ZNF804A: variants seen among roughly 807,000 people sequenced by gnomAD.
ZNF804A encodes the protein zinc finger protein 804A.
In ZNF804A, 2 loss-of-function variants were observed where a neutral mutation model predicts 16.5. That is an observed-to-expected ratio of 0.12 (90% CI 0.05 to 0.38). The LOEUF is 0.38. ZNF804A is among the 10% of genes least tolerant of loss of function. The pLI, the probability that ZNF804A is intolerant of heterozygous loss-of-function variation, is 0.99. For missense variants in ZNF804A, 1,473 were observed against 1,390.7 expected, an observed-to-expected ratio of 1.06 and a Z score of -0.94; for synonymous variants, 534 against 489.6, an observed-to-expected ratio of 1.09 and a Z score of -1.20.
chr2:184,828,438 C>T (rs1287588003), intron 1 of ZNF804A, among the ~76,000 whole-genome samples: 1 of 151,628 alleles, frequency 6.6e-6, no homozygotes, highest in Non-Finnish European at 1.5e-5. Context: ...ATGCTTTACT[C>T]TTTTAATTTT....
chr2:184,849,288 G>A (rs1341422359), intron 1 of ZNF804A, among the ~76,000 whole-genome samples: 1 of 152,002 alleles, frequency 6.6e-6, no homozygotes. Context: ...AGTAGCCCCT[G>A]GACAGGAAGT....
chr2:184,762,032 GA>G (rs1172944185), intron 1 of ZNF804A, among the ~76,000 whole-genome samples: 1 of 152,004 alleles, frequency 6.6e-6, no homozygotes, highest in African/African-American at 2.4e-5. Context: ...GTATAGCTTA[GA>G]TGCTGAAAGG....
chr2:184,602,146 AAAC>A (rs1011989752), intron 1 of ZNF804A, among the ~76,000 whole-genome samples: 8 of 151,934 alleles, frequency 5.3e-5, no homozygotes, highest in African/African-American at 1.9e-4. Flanking sequence ...TTGGAAAATA[AAAC>A]AACAACATTC....
chr2:184,738,859 T>C (rs907096331), intron 1 of ZNF804A, among the ~76,000 whole-genome samples: 3 of 152,244 alleles, frequency 2.0e-5, no homozygotes, highest in African/African-American at 7.2e-5. Flanking sequence ...TTTATGTATG[T>C]TTTGCAGATA....
chr2:184,735,609 T>G (rs1016030550), intron 1 of ZNF804A, among the ~76,000 whole-genome samples: 1 of 152,208 alleles, frequency 6.6e-6, no homozygotes, highest in Non-Finnish European at 1.5e-5. Context: ...TAAATAAATC[T>G]TATGACTTAC....
intron 1 of ZNF804A, among the ~76,000 whole-genome samples, chr2:184,618,166 G>T (rs187479818): frequency 6.6e-6 from 1 of 151,942 alleles, no homozygotes; most frequent in African/African-American, 2.4e-5. Flanking sequence ...TAGGAAACAC[G>T]TTTATAAATC....
chr2:184,769,417 T>G lies in ZNF804A; in HGVS notation c.112-96952T>G, dbSNP rs567191218. ...AGCCTAGTATTGAATCTTTTTTCAA[T>G]TTTATATTTCTGGAACCAAAATTAA... On this transcript the variant is annotated intron_variant, in intron 1 of 3. Coordinates refer to ENST00000302277, the MANE Select transcript of ZNF804A (RefSeq NM_194250.2). 7.2e-5 allele frequency among the ~76,000 whole-genome samples: 11 copies of G among 152,246 alleles called. 1 individual carries two copies. The South Asian group carries it at 2.3e-3, about 32-fold the overall frequency.
chr2:184,702,574 A>G (rs767062553), intron 1 of ZNF804A, among the ~76,000 whole-genome samples: 2 of 152,220 alleles, frequency 1.3e-5, no homozygotes, highest in Non-Finnish European at 2.9e-5. Flanking sequence ...AGAGTTCACT[A>G]AGCAAAATTT....
chr2:184,856,500 C>T (rs1432513528), intron 1 of ZNF804A, among the ~76,000 whole-genome samples: 2 of 152,020 alleles, frequency 1.3e-5, no homozygotes, highest in Non-Finnish European at 2.9e-5. Context: ...TTACCCTGAA[C>T]ACATTATTTT....
intron 1 of ZNF804A, among the ~76,000 whole-genome samples, chr2:184,689,298 G>A (rs1161936728): frequency 6.6e-6 from 1 of 152,042 alleles, no homozygotes; most frequent in Non-Finnish European, 1.5e-5. Flanking sequence ...TAGATTATTT[G>A]CCTTCAAGTA....
intron 1 of ZNF804A, among the ~76,000 whole-genome samples, chr2:184,865,505 G>A (rs1695866557): frequency 6.6e-6 from 1 of 151,330 alleles, no homozygotes; most frequent in Non-Finnish European, 1.5e-5. Flanking sequence ...TCAAGGAGGT[G>A]CTAGGCTCTT....
chr2:184,644,234 CAT>C (rs10542640), intron 1 of ZNF804A, among the ~76,000 whole-genome samples: 84,461 of 150,014 alleles, frequency 0.56, 24,693 homozygotes, highest in African/African-American at 0.69. Flanking sequence ...AGCTATATAT[CAT>C]ATATATATAT....
intron 1 of ZNF804A, among the ~76,000 whole-genome samples, chr2:184,646,728 C>G (rs1167451478): frequency 6.6e-6 from 1 of 152,258 alleles, no homozygotes; most frequent in Non-Finnish European, 1.5e-5. Flanking sequence ...TAGACTACCC[C>G]CCATCCCCAT....
chr2:184,680,044 A>G (rs530331485), intron 1 of ZNF804A, among the ~76,000 whole-genome samples: 133 of 152,336 alleles, frequency 8.7e-4, no homozygotes, highest in East Asian at 2.9e-3. Context: ...TCTGAAGCCC[A>G]TAAAAGCTCC....
Position 184,705,855 on chromosome 2 carries a change from A to ATTT in ZNF804A, c.111+106785_111+106786insTTT, listed in dbSNP as rs200269159. 9.0e-3 allele frequency among the ~76,000 whole-genome samples: 1,373 copies of ATTT among 152,258 alleles called. 22 individuals are homozygous for ATTT. Among genetic ancestry groups the ATTT allele is most frequent in the African/African-American group, 0.032 (1,314 of 41,548 alleles). On this transcript the variant is annotated intron_variant, in intron 1 of 3. Coordinates refer to ENST00000302277, the MANE Select transcript of ZNF804A (RefSeq NM_194250.2). ...AAAATCATGGCTTTCTTTTCACAAA[A>ATTT]GTTATTGAACAACAGATTGACACCT...
At chr2:184,712,808 G>C (rs2105737609) in intron 1 of ZNF804A, among the ~76,000 whole-genome samples, 1 of 151,544 alleles carries the variant, frequency 6.6e-6, no homozygotes, top group African/African-American at 2.4e-5. Context: ...AACTACACTA[G>C]GAAATTTTTC....
chr2:184,660,291 T>G (rs1692149606), intron 1 of ZNF804A, among the ~76,000 whole-genome samples: 1 of 152,232 alleles, frequency 6.6e-6, no homozygotes, highest in Admixed American at 6.5e-5. Flanking sequence ...TTATTTTGCC[T>G]AATCTGTTTT....
At chr2:184,917,629 G>T (rs551396118) in intron 2 of ZNF804A, among the ~76,000 whole-genome samples, 5 of 151,724 alleles carry the variant, frequency 3.3e-5, no homozygotes, top group Non-Finnish European at 7.4e-5. Context: ...ATTAGTTATC[G>T]TTAATCTTAC....
intron 1 of ZNF804A, among the ~76,000 whole-genome samples, chr2:184,705,646 A>G (rs890342234): frequency 6.6e-6 from 1 of 152,106 alleles, no homozygotes; most frequent in Admixed American, 6.6e-5. Context: ...TTTGTGCTAC[A>G]TGATTAATAA....
Sources: allele counts gnomAD v4.1 joint callset (sites outside exome capture counted in the v4.1 genomes callset), GRCh38; gene constraint gnomAD v4.1.1; transcripts MANE v1.5; gene names NCBI Gene and HGNC (gene_info 2026-07-23, HGNC 2026-07-21).